The following PTPRT variants were observed in gnomAD, a reference collection of about 807,000 sequenced individuals.
PTPRT encodes protein tyrosine phosphatase receptor type T, also known as receptor-type tyrosine-protein phosphatase T.
In PTPRT, 56 loss-of-function variants were observed where a neutral mutation model predicts 176.8. The ratio of observed to expected loss-of-function variants is 0.32; its 90% CI spans 0.26 to 0.40. The LOEUF (loss-of-function observed/expected upper bound fraction) is 0.40. PTPRT is among the 10% of genes least tolerant of loss of function. PTPRT has a pLI of 1.00. For missense variants in PTPRT, 1,540 were observed against 1,908.2 expected (o/e 0.81, Z 3.60); for synonymous variants, 783 against 739.0 (o/e 1.06, Z -0.96).
At chr20:42,305,997 A>T (rs536277264) in intron 12 of PTPRT, among the ~76,000 whole-genome samples, 50 of 152,288 alleles carry the variant, frequency 3.3e-4, no homozygotes, top group African/African-American at 1.2e-3. Flanking sequence ...TTGGGACTGG[A>T]GTCTGGAGCA....
chr20:42,274,089 C>T (rs955513342), intron 13 of PTPRT, among the ~76,000 whole-genome samples: 7 of 152,210 alleles, frequency 4.6e-5, no homozygotes, highest in Non-Finnish European at 1.0e-4. Context: ...GTCCTGTTTA[C>T]ATATATGGTT....
intron 14 of PTPRT, among the ~76,000 whole-genome samples, chr20:42,245,523 C>G (rs565416259): frequency 6.6e-6 from 1 of 152,346 alleles, no homozygotes; most frequent in Admixed American, 6.5e-5. Flanking sequence ...CAAAACACCT[C>G]TCAAGTTTTG....
intron 17 of PTPRT, among the ~76,000 whole-genome samples, chr20:42,142,976 G>A (rs1020453554): frequency 6.6e-6 from 1 of 152,166 alleles, no homozygotes; most frequent in Non-Finnish European, 1.5e-5. Flanking sequence ...AACAGCAGAT[G>A]CAAAGATGGT....
At chr20:42,378,600 G>A (rs1233311071) in intron 9 of PTPRT, among the ~76,000 whole-genome samples, 1 of 152,202 alleles carries the variant, frequency 6.6e-6, no homozygotes, top group Non-Finnish European at 1.5e-5. Context: ...ATCTCAGTGA[G>A]TATCTGTCGA....
At chr20:42,703,219 CAG>C (rs145647107) in intron 6 of PTPRT, among the ~76,000 whole-genome samples, 38 of 149,748 alleles carry the variant, frequency 2.5e-4, no homozygotes, top group Non-Finnish European at 2.7e-4. Context: ...AAGAGAGACA[CAG>C]AGAGAGAGAG....
At chr20:42,437,109 T>G (rs984530814) in intron 9 of PTPRT, among the ~76,000 whole-genome samples, 10 of 152,202 alleles carry the variant, frequency 6.6e-5, no homozygotes, top group African/African-American at 2.4e-4. Flanking sequence ...GATGTGCTTA[T>G]GTAGATCATA....
chr20:42,092,785 AC>A (rs1984766049), intron 27 of PTPRT, among the ~76,000 whole-genome samples: 2 of 152,142 alleles, frequency 1.3e-5, no homozygotes, highest in Admixed American at 6.5e-5. Context: ...CTGAAATAGC[AC>A]CCTGCTTTTC....
In PTPRT at chr20:43,110,968, G is replaced by A. The variant is rs1021878690; in HGVS notation, c.88+78678C>T. 4.6e-5 allele frequency among the ~76,000 whole-genome samples: 7 copies of A among 152,196 alleles called. No homozygotes were observed. In the South Asian group the frequency reaches 1.5e-3, roughly 32 times the overall value. ...GAATGAGGTCCAATGTGGGTGGGGG[G>A]AGAGAAACTCAGACAACAACAAATC... On this transcript the variant is annotated intron_variant, in intron 1 of 30. Coordinates refer to ENST00000373187, the MANE Select transcript of PTPRT (RefSeq NM_007050.6).
intron 7 of PTPRT, among the ~76,000 whole-genome samples, chr20:42,624,728 ATAGT>A (rs1452806019): frequency 6.6e-6 from 1 of 152,232 alleles, no homozygotes; most frequent in African/African-American, 2.4e-5. Flanking sequence ...GCTGCAAATC[ATAGT>A]TAATTAACAA....
intron 23 of PTPRT, among the ~76,000 whole-genome samples, chr20:42,108,951 C>T (rs1011873048): frequency 4.1e-4 from 62 of 152,348 alleles, no homozygotes; most frequent in African/African-American, 1.5e-3. Flanking sequence ...GTCTTTCTTT[C>T]TTTCTCCCTA....
intron 6 of PTPRT, among the ~76,000 whole-genome samples, chr20:42,746,809 G>A (rs2076697514): frequency 6.6e-6 from 1 of 152,124 alleles, no homozygotes; most frequent in South Asian, 2.1e-4. Flanking sequence ...TGAGATGAGA[G>A]GAGGAGGTAA....
At chr20:42,140,888 G>A (rs1278240199) in intron 18 of PTPRT, among the ~76,000 whole-genome samples, 3 of 152,180 alleles carry the variant, frequency 2.0e-5, no homozygotes, top group Non-Finnish European at 4.4e-5. Flanking sequence ...TGTAGCAAGA[G>A]TTTTATGTAC....
At chr20:42,199,147 G>T (rs1029382207) in intron 16 of PTPRT, 93 bp downstream of exon 16, 2 of 1,454,766 alleles carry the variant, frequency 1.4e-6, no homozygotes, top group Admixed American at 1.9e-5. Flanking sequence ...CCTATGCCTG[G>T]CAGCACCTGA....
chr20:42,731,484 G>A (rs866933729), intron 6 of PTPRT, among the ~76,000 whole-genome samples: 11 of 152,128 alleles, frequency 7.2e-5, no homozygotes, highest in South Asian at 2.1e-4. Context: ...ATGTACAGCC[G>A]CTACATAAAT....
At chr20:42,310,853 T>C (rs1013848964) in intron 12 of PTPRT, among the ~76,000 whole-genome samples, 12 of 152,208 alleles carry the variant, frequency 7.9e-5, no homozygotes, top group African/African-American at 2.9e-4. Flanking sequence ...AGATTACTAA[T>C]TGGAACAAAA....
chr20:42,692,376 C>T (rs2075806455), intron 6 of PTPRT, among the ~76,000 whole-genome samples: 1 of 152,086 alleles, frequency 6.6e-6, no homozygotes, highest in African/African-American at 2.4e-5. Flanking sequence ...GCTGGGACTA[C>T]AAGATTGATT....
chr20:42,919,464 A>C (rs1025462450), intron 1 of PTPRT, among the ~76,000 whole-genome samples: 1 of 152,230 alleles, frequency 6.6e-6, no homozygotes, highest in African/African-American at 2.4e-5. Context: ...GGGCTGCCCC[A>C]GAGATGCCAG....
intron 7 of PTPRT, among the ~76,000 whole-genome samples, chr20:42,642,038 A>G (rs956120160): frequency 2.0e-5 from 3 of 152,132 alleles, no homozygotes; most frequent in Non-Finnish European, 4.4e-5. Flanking sequence ...ATTAAATCCA[A>G]CTCAGCAACC....
chr20:42,515,677 T>C (rs561688212), intron 7 of PTPRT, among the ~76,000 whole-genome samples: 6 of 152,204 alleles, frequency 3.9e-5, no homozygotes, highest in Non-Finnish European at 8.8e-5. Context: ...TACAGTTTTT[T>C]AAATTTTCAA....
Sources: allele counts gnomAD v4.1 joint callset (sites outside exome capture counted in the v4.1 genomes callset), GRCh38; gene constraint gnomAD v4.1.1; transcripts MANE v1.5; gene names NCBI Gene and HGNC (gene_info 2026-07-23, HGNC 2026-07-21).